The following HMGB1 variants were observed in gnomAD, a reference collection of about 807,000 sequenced individuals.
HMGB1 encodes high mobility group box 1.
For missense variants in HMGB1, 79 were observed against 253.5 expected (o/e 0.31, Z 4.67); for synonymous variants, 81 against 84.0 (o/e 0.96, Z 0.19).
At chr13:30,484,787 GAGA>G (rs1045936104) in intron 1 of HMGB1, among the ~76,000 whole-genome samples, 28 of 151,214 alleles carry the variant, frequency 1.9e-4, no homozygotes, top group African/African-American at 6.5e-4. Flanking sequence ...GAGGAGAGGA[GAGA>G]AGAAGAGAAG....
chr13:30,464,574 C>A (rs934653288), intron 1 of HMGB1: 6 of 983,746 alleles, frequency 6.1e-6, no homozygotes, highest in Non-Finnish European at 7.2e-6. Flanking sequence ...GCAGGCCCTG[C>A]AGGCCCGCGC....
intron 1 of HMGB1, among the ~76,000 whole-genome samples, chr13:30,479,988 C>A (rs905441590): frequency 2.0e-5 from 3 of 152,332 alleles, no homozygotes; most frequent in South Asian, 2.1e-4. Flanking sequence ...TGCTGCCCTC[C>A]TGATTTCTAA....
chr13:30,472,416 C>T (rs1347214172), intron 1 of HMGB1, among the ~76,000 whole-genome samples: 1 of 152,166 alleles, frequency 6.6e-6, no homozygotes, highest in African/African-American at 2.4e-5. Context: ...GCCTGGCCAA[C>T]ATGTTGAAAC....
At chr13:30,590,603 G>A (rs564470648) in intron 1 of HMGB1, among the ~76,000 whole-genome samples, 5 of 152,340 alleles carry the variant, frequency 3.3e-5, no homozygotes, top group Admixed American at 6.5e-5. Flanking sequence ...ATGACAAGCC[G>A]TTCAATGCTG....
At chr13:30,464,761 TTGTG>T (rs376284891) in intron 1 of HMGB1, 1,872 of 164,448 alleles carry the variant, frequency 0.011, 38 homozygotes, top group African/African-American at 0.044. Context: ...CTCCTTCCCT[TTGTG>T]TGTGTGTGTG....
intron 1 of HMGB1, among the ~76,000 whole-genome samples, chr13:30,582,447 G>A (rs1489527454): frequency 6.6e-6 from 1 of 151,916 alleles, no homozygotes; most frequent in Non-Finnish European, 1.5e-5. Context: ...GACCATCCTG[G>A]CTGACACGGT....
chr13:30,491,478 CA>C (rs1308488507), intron 1 of HMGB1, among the ~76,000 whole-genome samples: 1 of 151,886 alleles, frequency 6.6e-6, no homozygotes, highest in Non-Finnish European at 1.5e-5. Flanking sequence ...GCCTGGGCAA[CA>C]TGGCAAAACC....
At chr13:30,505,469 C>CACCTG (rs1887841120) in intron 1 of HMGB1, among the ~76,000 whole-genome samples, 1 of 151,890 alleles carries the variant, frequency 6.6e-6, no homozygotes. Flanking sequence ...TAAGCCACCG[C>CACCTG]GCCCAACCAT....
chr13:30,538,482 C>CTTTA (rs1354312979), intron 1 of HMGB1, among the ~76,000 whole-genome samples: 4 of 33,532 alleles, frequency 1.2e-4, no homozygotes, highest in Admixed American at 3.4e-4. Context: ...TTCTTTCTTT[C>CTTTA]TTTCTTTCTT....
At chr13:30,597,790 T>C (rs2137560093) in intron 1 of HMGB1, among the ~76,000 whole-genome samples, 1 of 152,278 alleles carries the variant, frequency 6.6e-6, no homozygotes, top group South Asian at 2.1e-4. Flanking sequence ...AAAATCACCC[T>C]CATCCCAACG....
intron 1 of HMGB1, among the ~76,000 whole-genome samples, chr13:30,581,730 A>C (rs766128220): frequency 2.6e-5 from 4 of 152,188 alleles, no homozygotes; most frequent in Non-Finnish European, 5.9e-5. Flanking sequence ...CATCTTAACG[A>C]GGAGGGAGAC....
At chr13:30,592,182 AAC>A (rs60542633) in intron 1 of HMGB1, among the ~76,000 whole-genome samples, 7,977 of 151,420 alleles carry the variant, frequency 0.053, 540 homozygotes, top group African/African-American at 0.16. Context: ...TTAAAAAAAA[AAC>A]ATTTTCCCCT....
Position 30,559,551 on chromosome 13 carries a change from A to G in HMGB1, c.-15+57120T>C, listed in dbSNP as rs1380468028. ...TAGTGTTCAGAGATGTGCGTGTAGT[A>G]GGCTGCCTGCTCTAACACATGAGAT... On this transcript the variant is annotated intron_variant, in intron 1 of 4. Coordinates refer to the HMGB1 transcript ENST00000405805. The surrounding 1 kb of genome is among the most constrained non-coding windows in gnomAD (Gnocchi z 6.6). Among the ~76,000 whole-genome samples the G allele has an allele frequency of 5.9e-5, 9 of 152,172 alleles. No homozygotes were observed. The highest frequency in any genetic ancestry group is 2.2e-4 in the African/African-American group (9 of 41,438).
At chr13:30,518,175 T>TAA (rs5802571) in intron 1 of HMGB1, among the ~76,000 whole-genome samples, 12 of 151,214 alleles carry the variant, frequency 7.9e-5, no homozygotes, top group African/African-American at 2.9e-4. Context: ...CTACTAAAAA[T>TAA]AAAAATAAAA....
At chr13:30,538,408 T>C (rs145640332) in intron 1 of HMGB1, among the ~76,000 whole-genome samples, 1 of 152,160 alleles carries the variant, frequency 6.6e-6, no homozygotes, top group Admixed American at 6.5e-5. Flanking sequence ...ATGACTTCAA[T>C]AGTTAAATCA....
chr13:30,605,171 G>T (rs1401292084), intron 1 of HMGB1, among the ~76,000 whole-genome samples: 2 of 152,184 alleles, frequency 1.3e-5, no homozygotes, highest in Non-Finnish European at 2.9e-5. Context: ...GGACCAACGT[G>T]CTCAGTTCTG....
chr13:30,488,764 C>T (rs567087975), intron 1 of HMGB1, among the ~76,000 whole-genome samples: 9 of 151,644 alleles, frequency 5.9e-5, no homozygotes, highest in African/African-American at 2.2e-4. Flanking sequence ...AGAGATCCTC[C>T]TGCCTCAGCC....
chr13:30,523,452 C>T (rs973370186), intron 1 of HMGB1, among the ~76,000 whole-genome samples: 7 of 152,124 alleles, frequency 4.6e-5, no homozygotes, highest in Non-Finnish European at 8.8e-5. Context: ...AATCACTGGA[C>T]CATAAAATCT....
chr13:30,592,207 T>C (rs976646121), intron 1 of HMGB1, among the ~76,000 whole-genome samples: 4 of 152,158 alleles, frequency 2.6e-5, no homozygotes, highest in Non-Finnish European at 5.9e-5. Flanking sequence ...ATTACATTCA[T>C]GGATCTTCTT....
Sources: gnomAD v4.1 joint callset for allele counts (sites outside exome capture counted in the v4.1 genomes callset) on GRCh38, gnomAD v4.1.1 for gene constraint, Gnocchi (gnomAD v3.1) non-coding constraint, MANE v1.5 for transcripts, NCBI Gene and HGNC (gene_info 2026-07-23, HGNC 2026-07-21) for gene names.